The following PIR variants were observed in gnomAD, a reference collection of about 807,000 sequenced individuals.
PIR encodes the protein pirin.
PIR carries 22 observed loss-of-function variants against 24.2 expected under a neutral mutation model. The observed-to-expected ratio is 0.91, with a 90% CI of 0.65 to 1.30. The LOEUF (loss-of-function observed/expected upper bound fraction) is 1.30, where lower values mean the gene tolerates loss of function less well. Among genes scored for constraint, PIR ranks in the 50% most tolerant of loss-of-function variants. The pLI is 0.00. For missense variants in PIR, 220 were observed against 220.3 expected, an observed-to-expected ratio of 1.00 and a Z score of 0.01; for synonymous variants, 80 against 79.6, an observed-to-expected ratio of 1.00 and a Z score of -0.03.
intron 7 of PIR, among the ~76,000 whole-genome samples, chrX:15,399,792 G>A (rs1326970567): frequency 9.0e-6 from 1 of 111,122 alleles, no homozygotes; most frequent in African/African-American, 3.3e-5. Context: ...CACACATATA[G>A]CTATATCCGA....
chrX:15,470,046 G>A (rs1415070980), intron 3 of PIR, among the ~76,000 whole-genome samples: 1 of 111,636 alleles, frequency 9.0e-6, no homozygotes, highest in African/African-American at 3.3e-5. Flanking sequence ...AAAGTATTGA[G>A]AAAATATCAG....
At chrX:15,430,297 C>T (rs1167841742) in intron 5 of PIR, among the ~76,000 whole-genome samples, 1 of 111,235 alleles carries the variant, frequency 9.0e-6, no homozygotes, top group Admixed American at 9.6e-5. Context: ...CTTCCCCTTT[C>T]GTCTTTCTTT....
intron 3 of PIR, among the ~76,000 whole-genome samples, chrX:15,473,275 G>A (rs1420646949): frequency 9.0e-6 from 1 of 111,336 alleles, no homozygotes; most frequent in Non-Finnish European, 1.9e-5. Context: ...AATTGGCACC[G>A]AGTGGGTAGA....
rs1925990774 is a variant in PIR, at chrX:15,443,536, T to C, written c.480+12312A>G. Among the ~76,000 whole-genome samples, 4 of 111,695 alleles carry C rather than the reference T, an allele frequency of 3.6e-5. No homozygotes were observed. In the Admixed American group the frequency reaches 3.8e-4, roughly 11 times the overall value. On this transcript the variant is annotated intron_variant, in intron 5 of 9. Coordinates refer to ENST00000380420, the MANE Select transcript of PIR (RefSeq NM_001018109.3). ...TCAATAATTTAATTGATATTAATCATCATCAATTAATTATTTTATTAATTA... is the reference window on the plus strand; with the variant it reads ...TCAATAATTTAATTGATATTAATCACCATCAATTAATTATTTTATTAATTA...
intron 5 of PIR, among the ~76,000 whole-genome samples, chrX:15,431,993 T>G: frequency 9.0e-6 from 1 of 110,679 alleles, no homozygotes; most frequent in Non-Finnish European, 1.9e-5. Flanking sequence ...CTCTTTAAAT[T>G]TGACTATTAG....
At chrX:15,434,176 A>C (rs1453141145) in intron 5 of PIR, among the ~76,000 whole-genome samples, 1 of 96,247 alleles carries the variant, frequency 1.0e-5, no homozygotes, top group East Asian at 3.9e-4. Context: ...AGAAAGAAGA[A>C]GGAGGAGAAG....
intron 5 of PIR, among the ~76,000 whole-genome samples, chrX:15,452,736 G>A (rs367673740): frequency 1.8e-5 from 2 of 112,032 alleles, no homozygotes; most frequent in East Asian, 5.6e-4. Context: ...CACAGTATTG[G>A]CATCACCTGG....
chrX:15,469,329 C>A (rs907363197), intron 3 of PIR, among the ~76,000 whole-genome samples: 1 of 111,868 alleles, frequency 8.9e-6, no homozygotes, highest in African/African-American at 3.2e-5. Flanking sequence ...CCTCCCTCCC[C>A]TTTCTTTTTC....
chrX:15,431,127 A>G (rs1391573283), intron 5 of PIR, among the ~76,000 whole-genome samples: 1 of 111,772 alleles, frequency 8.9e-6, no homozygotes, highest in African/African-American at 3.3e-5. Flanking sequence ...TATGTTGCTT[A>G]AGGAAATTAC....
chrX:15,470,546 T>C (rs1921831692), intron 3 of PIR, among the ~76,000 whole-genome samples: 1 of 110,787 alleles, frequency 9.0e-6, no homozygotes, highest in African/African-American at 3.3e-5. Flanking sequence ...GATTGGCTTA[T>C]AGTCTTTATT....
chrX:15,482,366 T>C (rs770670580), intron 2 of PIR, among the ~76,000 whole-genome samples: 127 of 111,947 alleles, frequency 1.1e-3, no homozygotes, highest in Non-Finnish European at 2.0e-3. Context: ...GTTTTATTGG[T>C]AATCTGGTTG....
chrX:15,444,200 C>T (rs1926012429), intron 5 of PIR, among the ~76,000 whole-genome samples: 2 of 111,937 alleles, frequency 1.8e-5, no homozygotes, highest in African/African-American at 6.5e-5. Context: ...GAAACTGCCA[C>T]AGCCACCCCA....
chrX:15,457,064 A>G (rs1921111197), intron 4 of PIR, among the ~76,000 whole-genome samples: 1 of 112,259 alleles, frequency 8.9e-6, no homozygotes, highest in African/African-American at 3.2e-5. Context: ...AGAGTGAGGC[A>G]AGGGAGAAAG....
intron 3 of PIR, among the ~76,000 whole-genome samples, chrX:15,463,312 G>A (rs755914441): frequency 3.6e-5 from 4 of 111,928 alleles, no homozygotes; most frequent in East Asian, 2.8e-4. Context: ...TGAGAATTCA[G>A]GCTGGGAGAA....
chrX:15,442,403 A>G (rs1446455595), intron 5 of PIR, among the ~76,000 whole-genome samples: 1 of 111,264 alleles, frequency 9.0e-6, no homozygotes, highest in Non-Finnish European at 1.9e-5. Flanking sequence ...GAGACACAAT[A>G]TTGAAATGAG....
rs187277726 is a variant in PIR, at chrX:15,433,422, C to G, written c.481-7432G>C. ...GCAATCAAGCCATGGAGAGGAAGAGCTGACATGAAGAAGGAACCAAAGAAA... is the reference window on the plus strand; with the variant it reads ...GCAATCAAGCCATGGAGAGGAAGAGGTGACATGAAGAAGGAACCAAAGAAA... On this transcript the variant is annotated intron_variant, in intron 5 of 9. Coordinates refer to ENST00000380420, the MANE Select transcript of PIR (RefSeq NM_001018109.3). Among the ~76,000 whole-genome samples the G allele has an allele frequency of 4.9e-5, 5 of 102,809 alleles. No homozygotes were observed. In the East Asian group the frequency reaches 1.5e-3, roughly 31 times the overall value. The allele number at this position is 102,809 out of a possible 115,157, so 89.3% of individuals were successfully genotyped here.
At position 15,484,845 on chromosome X, in the gene PIR, T is replaced by C. The variant is rs190164879; in HGVS notation, c.97-5024A>G. ...AAATTGGATGTTTAGCTGATGCTATTTGTACACAAAGCGTTGAGAGACCGG... is the reference window on the plus strand; with the variant it reads ...AAATTGGATGTTTAGCTGATGCTATCTGTACACAAAGCGTTGAGAGACCGG... On this transcript the variant is annotated intron_variant, in intron 2 of 9. Coordinates refer to ENST00000380420, the MANE Select transcript of PIR (RefSeq NM_001018109.3). Among the ~76,000 whole-genome samples the C allele has an allele frequency of 5.3e-5, 6 of 112,376 alleles. No homozygotes were observed. In the East Asian group the frequency reaches 1.4e-3, roughly 26 times the overall value.
chrX:15,465,633 T>C (rs1921533887), intron 3 of PIR, among the ~76,000 whole-genome samples: 1 of 112,341 alleles, frequency 8.9e-6, no homozygotes, highest in Non-Finnish European at 1.9e-5. Flanking sequence ...GCTTCCTCTT[T>C]TCCTCCTTCT....
At chrX:15,438,612 G>A (rs1009472092) in intron 5 of PIR, among the ~76,000 whole-genome samples, 2 of 111,828 alleles carry the variant, frequency 1.8e-5, no homozygotes, top group African/African-American at 3.3e-5. Flanking sequence ...CCTCAGAGTC[G>A]CTCAGCCTCA....
Sources: gnomAD v4.1 joint callset for allele counts (sites outside exome capture counted in the v4.1 genomes callset) on GRCh38, gnomAD v4.1.1 for gene constraint, MANE v1.5 for transcripts, NCBI Gene and HGNC (gene_info 2026-07-23, HGNC 2026-07-21) for gene names.